The following CSMD1 variants were observed in gnomAD, a reference collection of about 807,000 sequenced individuals.
CSMD1 encodes the protein CUB and sushi domain-containing protein 1.
A neutral mutation model predicts 417.5 loss-of-function variants in CSMD1; 213 were observed. The ratio of observed to expected loss-of-function variants is 0.51; its 90% CI spans 0.46 to 0.57. The LOEUF (loss-of-function observed/expected upper bound fraction) is 0.57, where lower values mean the gene tolerates loss of function less well. CSMD1 is among the 20% of genes least tolerant of loss of function. The pLI is 0.00. For missense variants in CSMD1, 6,923 were observed against 4,529.7 expected, an observed-to-expected ratio of 1.53 and a Z score of -15.17; for synonymous variants, 2,862 against 1,736.8, an observed-to-expected ratio of 1.65 and a Z score of -16.11.
At chr8:4,434,181 T>C (rs1269838494) in intron 2 of CSMD1, among the ~76,000 whole-genome samples, 1 of 152,082 alleles carries the variant, frequency 6.6e-6, no homozygotes, top group Non-Finnish European at 1.5e-5. Flanking sequence ...CTACTAAAAA[T>C]ACAGAAATTA....
At chr8:3,152,348 A>C in intron 39 of CSMD1, among the ~76,000 whole-genome samples, 1 of 152,228 alleles carries the variant, frequency 6.6e-6, no homozygotes, top group East Asian at 1.9e-4. Flanking sequence ...TATTAAAATA[A>C]TTTCTTATAT....
intron 3 of CSMD1, among the ~76,000 whole-genome samples, chr8:4,074,028 C>G (rs1429651219): frequency 6.6e-6 from 1 of 151,932 alleles, no homozygotes; most frequent in Non-Finnish European, 1.5e-5. Flanking sequence ...GCATTTATTG[C>G]TTCTGCTTTT....
chr8:4,746,642 C>T (rs1247932275), intron 1 of CSMD1, among the ~76,000 whole-genome samples: 2 of 152,142 alleles, frequency 1.3e-5, no homozygotes, highest in African/African-American at 4.8e-5. Context: ...TACAATCCAA[C>T]CTGGGCAGCA....
intron 3 of CSMD1, among the ~76,000 whole-genome samples, chr8:4,111,414 G>T (rs925083523): frequency 7.2e-5 from 11 of 152,182 alleles, no homozygotes; most frequent in African/African-American, 2.4e-4. Flanking sequence ...CTTTATTATA[G>T]AATTATTTAT....
Position 3,016,652 on chromosome 8 carries a change from C to T in CSMD1, c.8029+1825G>A, listed in dbSNP as rs78676920. Among the ~76,000 whole-genome samples the T allele has an allele frequency of 1.9e-3, 291 of 152,184 alleles. 4 individuals are homozygous for T. Among genetic ancestry groups the T allele is most frequent in the Middle Eastern group, 0.014 (4 of 294 alleles). ...TTTCTAATCTTTTTCTATTTTTTCCCTTTAAATACTCTATGTCTCTTCCAA... is the reference window on the plus strand; with the variant it reads ...TTTCTAATCTTTTTCTATTTTTTCCTTTTAAATACTCTATGTCTCTTCCAA... On this transcript the variant is annotated intron_variant, in intron 52 of 69. Transcript: ENST00000635120.
intron 1 of CSMD1, among the ~76,000 whole-genome samples, chr8:4,742,629 T>C (rs1019012013): frequency 6.6e-6 from 1 of 152,168 alleles, no homozygotes; most frequent in Admixed American, 6.5e-5. Flanking sequence ...ACTGCTTCTA[T>C]TATGCTTGGA....
Position 4,673,440 on chromosome 8 carries a change from G to C in CSMD1, c.86-35882C>G, listed in dbSNP as rs117810135. 5.8e-3 allele frequency among the ~76,000 whole-genome samples: 888 copies of C among 152,240 alleles called. 21 individuals carry two copies. The highest frequency in any genetic ancestry group is 0.05 in the East Asian group (260 of 5,164). On this transcript the variant is annotated intron_variant, in intron 1 of 69. Transcript: ENST00000635120. ...TTCCAACCTAGGGCCCAGAGGTGTT[G>C]AGGCACACTTGATATCATTGGCCAC...
chr8:3,190,722 T>C (rs1796368000), intron 33 of CSMD1, among the ~76,000 whole-genome samples: 1 of 152,196 alleles, frequency 6.6e-6, no homozygotes, highest in African/African-American at 2.4e-5. Flanking sequence ...ATAGTCTAGA[T>C]GTGCAAACAA....
chr8:3,309,372 G>C (rs978253406), intron 23 of CSMD1, among the ~76,000 whole-genome samples: 3 of 147,806 alleles, frequency 2.0e-5, no homozygotes, highest in Admixed American at 7.2e-5. Context: ...ACTCCTGATG[G>C]TGCATGGTTA....
At chr8:4,646,489 T>A (rs575475423) in intron 1 of CSMD1, among the ~76,000 whole-genome samples, 10 of 152,302 alleles carry the variant, frequency 6.6e-5, no homozygotes, top group Admixed American at 3.9e-4. Context: ...TAAATTGATG[T>A]AGTTTAATTG....
At chr8:4,227,766 C>G (rs963152921) in intron 3 of CSMD1, among the ~76,000 whole-genome samples, 1 of 146,242 alleles carries the variant, frequency 6.8e-6, no homozygotes, top group Non-Finnish European at 1.5e-5. Flanking sequence ...ATCCTGCATT[C>G]AATCCCAAAC....
At chr8:4,407,464 A>T (rs1475348446) in intron 3 of CSMD1, among the ~76,000 whole-genome samples, 4 of 152,338 alleles carry the variant, frequency 2.6e-5, no homozygotes, top group African/African-American at 9.6e-5. Flanking sequence ...GTATGTTGTA[A>T]AACGTAATTT....
chr8:4,041,280 GTA>G (rs1440579827), intron 3 of CSMD1, among the ~76,000 whole-genome samples: 4 of 139,672 alleles, frequency 2.9e-5, no homozygotes, highest in Non-Finnish European at 6.3e-5. Flanking sequence ...GCCTCCCAAA[GTA>G]CGGGGATTAC....
intron 1 of CSMD1, among the ~76,000 whole-genome samples, chr8:4,639,642 G>C (rs1250582785): frequency 6.6e-6 from 1 of 152,184 alleles, no homozygotes; most frequent in Non-Finnish European, 1.5e-5. Flanking sequence ...GTGGCATGTA[G>C]TGTAAGTACT....
intron 9 of CSMD1, among the ~76,000 whole-genome samples, chr8:3,585,382 T>C (rs1012587643): frequency 6.6e-6 from 1 of 152,184 alleles, no homozygotes; most frequent in Non-Finnish European, 1.5e-5. Context: ...ACTAGGGCTT[T>C]TTCTCCCAAA....
intron 1 of CSMD1, among the ~76,000 whole-genome samples, chr8:4,939,487 T>C (rs1355458853): frequency 6.6e-6 from 1 of 152,198 alleles, no homozygotes; most frequent in Non-Finnish European, 1.5e-5. Context: ...GACAGTCCTG[T>C]CATTTGTGAC....
chr8:3,287,281 T>A (rs201152913), intron 25 of CSMD1, among the ~76,000 whole-genome samples: 1 of 150,934 alleles, frequency 6.6e-6, no homozygotes, highest in South Asian at 2.1e-4. Flanking sequence ...ACTTGGTGAT[T>A]CGGGCTCTTT....
At chr8:4,530,205 G>A (rs1039470940) in intron 2 of CSMD1, among the ~76,000 whole-genome samples, 2 of 151,080 alleles carry the variant, frequency 1.3e-5, no homozygotes, top group South Asian at 4.2e-4. Context: ...GAGCCACCGC[G>A]CCAGGCCTGC....
intron 3 of CSMD1, among the ~76,000 whole-genome samples, chr8:4,294,131 G>A (rs2128869064): frequency 6.6e-6 from 1 of 152,292 alleles, no homozygotes; most frequent in East Asian, 1.9e-4. Context: ...CAATGACACT[G>A]ACGTCTGATT....
Sources: allele counts gnomAD v4.1 joint callset (sites outside exome capture counted in the v4.1 genomes callset), GRCh38; gene constraint gnomAD v4.1.1; transcripts MANE v1.5; gene names NCBI Gene and HGNC (gene_info 2026-07-23, HGNC 2026-07-21).